The following MGAT1 variants were observed in gnomAD, a reference collection of about 807,000 sequenced individuals.
MGAT1 encodes the protein alpha-1,3-mannosyl-glycoprotein 2-beta-N-acetylglucosaminyltransferase.
A neutral mutation model predicts 31.7 loss-of-function variants in MGAT1; 14 were observed. That is an observed-to-expected ratio of 0.44 (90% confidence interval 0.29 to 0.69). The LOEUF (loss-of-function observed/expected upper bound fraction) is 0.69, where lower values mean the gene tolerates loss of function less well. Among genes scored for constraint, MGAT1 ranks in the 30% least tolerant of loss-of-function variants. The probability of loss-of-function intolerance (pLI) is 0.12; values close to 1 mark genes in which losing one functional copy is unlikely to be tolerated. For synonymous variants in MGAT1, 338 were observed against 276.0 expected, an observed-to-expected ratio of 1.22 and a Z score of -2.23; for missense variants, 557 against 626.0, an observed-to-expected ratio of 0.89 and a Z score of 1.18.
rs1284124228 is a variant in MGAT1, at chr5:180,790,125, C to T, written c.*1509G>A. The T allele has an allele frequency of 1.3e-5, 2 of 152,172 alleles. No homozygotes were observed. Among genetic ancestry groups the T allele is most frequent in the South Asian group, 2.1e-4 (1 of 4,826 alleles). The allele number at this position is 152,172 out of a possible 1,614,324, so 9.4% of individuals were successfully genotyped here. A position where few individuals can be genotyped will look rare whatever the true frequency, so the allele number is the denominator to read the frequency against. On this transcript the variant is annotated 3_prime_UTR_variant, in exon 2 of 2. Coordinates refer to ENST00000307826, the MANE Select transcript of MGAT1 (RefSeq NM_002406.4). ...CTGTGTACCCTGAGGCTCCCCGGCA[C>T]GTCATAAAGGGCACTCAATAAGCAC...
upstream of MGAT1, chr5:180,803,020 G>T (rs1771245513): frequency 6.6e-6 from 1 of 152,372 alleles, no homozygotes; most frequent in South Asian, 2.1e-4. Flanking sequence ...AACTTCGGGA[G>T]TCGGCTTTCC....
chr5:180,804,313 C>G (rs937976614), upstream of MGAT1, among the ~76,000 whole-genome samples: 1 of 115,338 alleles, frequency 8.7e-6, no homozygotes, highest in Non-Finnish European at 1.9e-5. Flanking sequence ...CTCCTGTGCG[C>G]CCCCCAACAC....
rs967474668 is a variant in MGAT1 at position 180,787,537 on chromosome 5, T to C, written c.*4097A>G. 2.6e-5 allele frequency: 4 copies of C among 152,258 alleles called. No individual in the cohort carries two copies. The highest frequency in any genetic ancestry group is 5.9e-5 in the Non-Finnish European group (4 of 68,048). 9.4% of individuals were successfully genotyped at this position (152,258 alleles called of 1,614,324 possible). A position where few individuals can be genotyped will look rare whatever the true frequency, so the allele number is the denominator to read the frequency against. The stretch of plus-strand genomic sequence containing the variant: ...TGGTAAATGTTTTATCTATGCATAT[T>C]ATGTATAGATGTGAGGAAGACGTCT... On this transcript the variant is annotated 3_prime_UTR_variant, in exon 2 of 2. Transcript: ENST00000307826.
chr5:180,802,527 A>C (rs1771062532), intron 1 of MGAT1, among the ~76,000 whole-genome samples, 153 bp downstream of exon 1: 3 of 152,144 alleles, frequency 2.0e-5, no homozygotes, highest in Admixed American at 2.0e-4. Flanking sequence ...CGCAGCTGGC[A>C]CCGGGTCGGA....
At position 180,791,947 on chromosome 5, in the gene MGAT1, G is replaced by T; in HGVS notation, c.1025C>A (p.Thr342Asn). ...CTGCAGGTAAGACAGGTCCAGCTGG[G>T]TGAAGTGCACAAACTGCTGGTTCAG... ...IKLNQQFVHF[T>N]QLDLSYLQRE... The change falls in exon 2 of 2, where the codon ACC (threonine) becomes AAC (asparagine). Residue 342 changes from threonine (T) to asparagine (N), a missense_variant. Around this residue, in one of 3 missense-constraint regions of MGAT1, gnomAD observed 145 missense variants for 143.2 expected, o/e 1.01. Transcript: ENST00000307826. The T allele has an allele frequency of 6.2e-7, 1 of 1,614,190 alleles. No homozygotes were observed. The highest frequency in any genetic ancestry group is 8.5e-7 in the Non-Finnish European group (1 of 1,180,046).
chr5:180,803,114 G>A (rs1003271017), upstream of MGAT1, among the ~76,000 whole-genome samples: 21 of 152,086 alleles, frequency 1.4e-4, no homozygotes, highest in Non-Finnish European at 2.9e-4. Flanking sequence ...GCCTGGAGCC[G>A]CGCCTGAAGT....
At chr5:180,794,067 G>A (rs947810769) in intron 1 of MGAT1, among the ~76,000 whole-genome samples, 3 of 151,984 alleles carry the variant, frequency 2.0e-5, no homozygotes, top group Non-Finnish European at 2.9e-5. Context: ...GAGGGACTCA[G>A]CCCTACCAGA....
chr5:180,800,462 C>T (rs1254751327), intron 1 of MGAT1, among the ~76,000 whole-genome samples: 1 of 152,202 alleles, frequency 6.6e-6, no homozygotes, highest in African/African-American at 2.4e-5. Context: ...CCCCTAGAGG[C>T]TCTCACATTC....
upstream of MGAT1, among the ~76,000 whole-genome samples, chr5:180,806,296 GCA>G (rs1459878756): frequency 2.6e-5 from 4 of 152,066 alleles, no homozygotes; most frequent in East Asian, 7.7e-4. Context: ...AAAAAAAAAT[GCA>G]CACACAGTCT....
At chr5:180,812,357 A>T (rs1351991401) in intron 1 of MGAT1, among the ~76,000 whole-genome samples, 2 of 152,226 alleles carry the variant, frequency 1.3e-5, no homozygotes, top group Non-Finnish European at 2.9e-5. Context: ...CATACCATAG[A>T]GACTTTACAT....
intron 1 of MGAT1, among the ~76,000 whole-genome samples, chr5:180,797,273 G>A (rs940542733): frequency 1.3e-5 from 2 of 152,144 alleles, no homozygotes; most frequent in African/African-American, 2.4e-5. Flanking sequence ...GTGGTGGTGC[G>A]TGCCTGTAAT....
rs991782057 is a variant in MGAT1, at chr5:180,788,883, T to C, written c.*2751A>G. On this transcript the variant is annotated 3_prime_UTR_variant, in exon 2 of 2. Coordinates refer to ENST00000307826, the MANE Select transcript of MGAT1 (RefSeq NM_002406.4). Reference sequence around the variant, plus strand: ...GCACTAAGTAAGTTGGTACTTATCCTGGAGCACTCAGAACAATGCACTTGG... The same window carrying C: ...GCACTAAGTAAGTTGGTACTTATCCCGGAGCACTCAGAACAATGCACTTGG... The C allele has an allele frequency of 1.3e-5, 2 of 152,368 alleles. No homozygotes were observed. The highest frequency in any genetic ancestry group is 4.8e-5 in the African/African-American group (2 of 41,450). The allele number at this position is 152,368 out of a possible 1,614,324, so 9.4% of individuals were successfully genotyped here. A position where few individuals can be genotyped will look rare whatever the true frequency, so the allele number is the denominator to read the frequency against.
At chr5:180,813,046 C>T (rs1380733314) in intron 1 of MGAT1, among the ~76,000 whole-genome samples, 1 of 151,084 alleles carries the variant, frequency 6.6e-6, no homozygotes, top group Non-Finnish European at 1.5e-5. Flanking sequence ...TTCAACTTTT[C>T]ACTTTTGCAA....
intron 1 of MGAT1, chr5:180,811,236 G>C (rs1347973407): frequency 1.3e-5 from 2 of 152,236 alleles, no homozygotes; most frequent in African/African-American, 4.8e-5. Context: ...TCTGTCGTGG[G>C]ATTTCTCCAG....
rs775738977 is a variant in MGAT1 at position 180,791,933 on chromosome 5, A to C, written c.1039T>G (p.Ser347Ala). Residue 347 changes from serine to alanine, a missense_variant, in exon 2 of 2, where the codon TCT (serine) becomes GCT (alanine). Physicochemically the swap from Ser to Ala is moderately conservative, Grantham distance 99. Transcript: ENST00000307826. ...TCATAGGCCTCCCGCTGCAGGTAAG[A>C]CAGGTCCAGCTGGGTGAAGTGCACA... Reference protein sequence around the residue: ...QFVHFTQLDLSYLQREAYDRD... With the variant: ...QFVHFTQLDLAYLQREAYDRD... The C allele has an allele frequency of 6.2e-7, 1 of 1,614,178 alleles. No homozygotes were observed. The highest frequency in any genetic ancestry group is 1.1e-5 in the South Asian group (1 of 91,078).
Position 180,802,721 on chromosome 5 carries a change from G to A in MGAT1, c.-168C>T, listed in dbSNP as rs1462780642. 6.6e-6 allele frequency: 1 copy of A among 152,186 alleles called. No individual in the cohort carries two copies. Among genetic ancestry groups the A allele is most frequent in the Admixed American group, 6.5e-5 (1 of 15,288 alleles). 9.4% of individuals were successfully genotyped at this position (152,186 alleles called of 1,614,324 possible). A position where few individuals can be genotyped will look rare whatever the true frequency, so the allele number is the denominator to read the frequency against. On this transcript the variant is annotated 5_prime_UTR_variant, in exon 1 of 2. Coordinates refer to ENST00000307826, the MANE Select transcript of MGAT1 (RefSeq NM_002406.4). ...CCTGGCCCCGAACTTGGCCTGCTCCGGGGCGCAGGGAGCGAGCCCGGTGCC... is the reference window on the plus strand; with the variant it reads ...CCTGGCCCCGAACTTGGCCTGCTCCAGGGCGCAGGGAGCGAGCCCGGTGCC...
chr5:180,802,797 C>T lies in MGAT1; in HGVS notation c.-244G>A, dbSNP rs1184439003. On this transcript the variant is annotated 5_prime_UTR_variant, in exon 1 of 2. Transcript: ENST00000307826. ...GCCGCCTCGCCTTTCGACTCGCCAG[C>T]CCTTTCTGCGGCGCGCCGGGGCCGG... 6.6e-6 allele frequency: 1 copy of T among 151,940 alleles called. No individual in the cohort carries two copies. Among genetic ancestry groups the T allele is most frequent in the East Asian group, 1.9e-4 (1 of 5,154 alleles). 9.4% of individuals were successfully genotyped at this position (151,940 alleles called of 1,614,324 possible).
chr5:180,800,240 C>G (rs1770438094), intron 1 of MGAT1, among the ~76,000 whole-genome samples: 1 of 152,242 alleles, frequency 6.6e-6, no homozygotes, highest in Non-Finnish European at 1.5e-5. Context: ...CACTGAGGCC[C>G]TGTCTCCACT....
At position 180,792,273 on chromosome 5, in the gene MGAT1, G is replaced by C. The variant is rs1273055766; in HGVS notation, c.699C>G (p.Pro233=). The change falls in exon 2 of 2, where the codon CCC becomes CCG. Residue 233 remains proline, a synonymous_variant. Coordinates refer to ENST00000307826, the MANE Select transcript of MGAT1 (RefSeq NM_002406.4). The part of the protein sequence containing the change: ...RATYPLLKAD[P]SLWCVSAWND... ...TCCAGGCCGAGACGCACCACAGGGA[G>C]GGGTCGGCCTTCAGCAGCGGATAGG... 1 of 1,612,504 alleles carries C rather than the reference G, an allele frequency of 6.2e-7. No homozygotes were observed. The highest frequency in any genetic ancestry group is 8.5e-7 in the Non-Finnish European group (1 of 1,179,448).
Sources: allele counts gnomAD v4.1 joint callset (sites outside exome capture counted in the v4.1 genomes callset), GRCh38; gene constraint gnomAD v4.1.1; regional missense constraint gnomAD v4.1.1; transcripts MANE v1.5; gene names NCBI Gene and HGNC (gene_info 2026-07-23, HGNC 2026-07-21).